Variants in SPICE1 observed in about 807,000 individuals in gnomAD.
The protein encoded by SPICE1 is spindle and centriole-associated protein 1.
In SPICE1, 75 loss-of-function variants were observed where a neutral mutation model predicts 102.7. The ratio of observed to expected loss-of-function variants is 0.73; its 90% CI spans 0.61 to 0.88. The LOEUF is 0.88. SPICE1 is among the 40% of genes least tolerant of loss of function. The pLI, the probability that SPICE1 is intolerant of heterozygous loss-of-function variation, is 0.00. For synonymous variants in SPICE1, 308 were observed against 350.3 expected (o/e 0.88, Z 1.35); for missense variants, 979 against 1,020.1 (o/e 0.96, Z 0.55).
At chr3:113,505,984 C>T (rs1302125522) in intron 2 of SPICE1, among the ~76,000 whole-genome samples, 1 of 152,188 alleles carries the variant, frequency 6.6e-6, no homozygotes, top group Admixed American at 6.5e-5. Flanking sequence ...GTTACAGGTA[C>T]TTCAGCCTTG....
At chr3:113,465,868 A>G in intron 10 of SPICE1, 84 bp from the exon 11 acceptor site, 1 of 1,354,290 alleles carries the variant, frequency 7.4e-7, no homozygotes, top group Non-Finnish European at 1.0e-6. Context: ...GGCAAAGAAG[A>G]TATTTACAAA....
In SPICE1 at chr3:113,486,210, C is replaced by CATATATATAT. The variant is rs60309507; in HGVS notation, c.611+2725_611+2734dup. Among the ~76,000 whole-genome samples the CATATATATAT allele has an allele frequency of 1.4e-3, 193 of 141,038 alleles. 2 individuals are homozygous for CATATATATAT. Among genetic ancestry groups the CATATATATAT allele is most frequent in the African/African-American group, 4.6e-3 (177 of 38,302 alleles). The allele number at this position is 141,038 out of a possible 152,430, so 92.5% of individuals were successfully genotyped here. ...ATACTGTAGTTTATTTGACCATTCT[C>CATATATATAT]ATATATATATATATATATATATGCC... On this transcript the variant is annotated intron_variant, in intron 7 of 17. Coordinates refer to ENST00000295872, the MANE Select transcript of SPICE1 (RefSeq NM_144718.4).
At chr3:113,464,514 CA>C (rs1433127377) in intron 11 of SPICE1, among the ~76,000 whole-genome samples, 3 of 152,094 alleles carry the variant, frequency 2.0e-5, no homozygotes, top group African/African-American at 7.2e-5. Flanking sequence ...CCTTGGCACC[CA>C]AAATGTGGGG....
intron 11 of SPICE1, among the ~76,000 whole-genome samples, chr3:113,461,464 T>C (rs1404469803): frequency 6.6e-6 from 1 of 152,110 alleles, no homozygotes; most frequent in Non-Finnish European, 1.5e-5. Context: ...CATTCTTACA[T>C]GTAAAAGTCA....
At position 113,457,137 on chromosome 3, in the gene SPICE1, G is replaced by A. The variant is rs146846950; in HGVS notation, c.1656C>T (p.Asp552=). 7.4e-3 allele frequency: 11,963 copies of A among 1,613,748 alleles called. 144 individuals carry two copies. Among genetic ancestry groups the A allele is most frequent in the South Asian group, 0.034 (3,131 of 91,036 alleles). ...ATGTAACTTTAGAAGAAGACTTACC[G>A]TCCTGAAGAGGAGAGAATTTTAAGT... ...KSNLKFSPLQ[D]VLRRTVQTRP... is the part of the protein sequence containing the mutation. The change falls in exon 13 of 18, where the codon GAC becomes GAT. Residue 552 remains aspartate (D), a splice_region_variant and synonymous_variant. Transcript: ENST00000295872.
intron 4 of SPICE1, among the ~76,000 whole-genome samples, chr3:113,495,504 G>C (rs1452655820): frequency 6.6e-6 from 1 of 152,188 alleles, no homozygotes; most frequent in East Asian, 1.9e-4. Flanking sequence ...GCTTTGGAAT[G>C]GTATCAGGTC....
At chr3:113,496,190 A>G (rs1023243098) in intron 4 of SPICE1, among the ~76,000 whole-genome samples, 4 of 150,712 alleles carry the variant, frequency 2.7e-5, no homozygotes, top group African/African-American at 9.8e-5. Flanking sequence ...ACCCCTGTTT[A>G]GTCCCTGCCC....
chr3:113,480,468 A>C lies in SPICE1; in HGVS notation c.611+8477T>G, dbSNP rs541920437. 1.6e-3 allele frequency among the ~76,000 whole-genome samples: 244 copies of C among 152,338 alleles called. 1 individual carries two copies. Among genetic ancestry groups the C allele is most frequent in the African/African-American group, 5.7e-3 (237 of 41,580 alleles). ...ACACAAGAATACTAAATAAAATATT[A>C]ACAAACAACCTCCAATACTCCATTA... On this transcript the variant is annotated intron_variant, in intron 7 of 17. Transcript: ENST00000295872.
intron 13 of SPICE1, among the ~76,000 whole-genome samples, chr3:113,456,529 G>A (rs1935782277): frequency 6.6e-6 from 1 of 152,136 alleles, no homozygotes; most frequent in Non-Finnish European, 1.5e-5. Flanking sequence ...AACTTCTGAA[G>A]ACCATTCATG....
intron 6 of SPICE1, among the ~76,000 whole-genome samples, chr3:113,492,460 AT>A (rs1295708333): frequency 6.6e-6 from 1 of 152,180 alleles, no homozygotes; most frequent in Non-Finnish European, 1.5e-5. Context: ...AATTCTAAAC[AT>A]TTTCATTAAT....
intron 7 of SPICE1, among the ~76,000 whole-genome samples, chr3:113,471,837 G>A (rs1205838219): frequency 1.3e-5 from 2 of 152,044 alleles, no homozygotes; most frequent in Non-Finnish European, 2.9e-5. Flanking sequence ...GAACAGCTCC[G>A]GTCTACAGCT....
intron 7 of SPICE1, among the ~76,000 whole-genome samples, chr3:113,481,867 C>T (rs1482705461): frequency 6.6e-6 from 1 of 152,070 alleles, no homozygotes; most frequent in Non-Finnish European, 1.5e-5. Context: ...AATAGTGATG[C>T]AATAAACATA....
intron 7 of SPICE1, among the ~76,000 whole-genome samples, chr3:113,483,299 T>C (rs1424184888): frequency 1.3e-5 from 2 of 152,166 alleles, no homozygotes; most frequent in East Asian, 3.8e-4. Context: ...CTTAAGGAGA[T>C]TTTGGGCTGA....
chr3:113,504,213 G>T (rs148515217), intron 2 of SPICE1, among the ~76,000 whole-genome samples: 169 of 152,230 alleles, frequency 1.1e-3, no homozygotes, highest in Non-Finnish European at 1.9e-3. Context: ...GCTCTAAGTA[G>T]CAACCCTGTA....
In SPICE1 at chr3:113,488,427, A is replaced by C. The variant is rs112027500; in HGVS notation, c.611+518T>G. On this transcript the variant is annotated intron_variant, in intron 7 of 17. Transcript: ENST00000295872. Reference sequence around the variant, plus strand: ...AATACTACTCAGCCACTCACACACAAAAAAAATAATAATGTATTTTGCAAC... The same window carrying C: ...AATACTACTCAGCCACTCACACACACAAAAAATAATAATGTATTTTGCAAC... 8.3e-3 allele frequency among the ~76,000 whole-genome samples: 1,267 copies of C among 152,252 alleles called. 21 individuals carry two copies. The highest frequency in any genetic ancestry group is 0.029 in the African/African-American group (1,188 of 41,532).
At chr3:113,459,870 A>G in intron 12 of SPICE1, 1 of 983,514 alleles carries the variant, frequency 1.0e-6, no homozygotes, top group Non-Finnish European at 1.2e-6. Flanking sequence ...TGACAGAGCG[A>G]AACTCCATCT....
At chr3:113,456,199 G>A (rs1935775057) in intron 13 of SPICE1, among the ~76,000 whole-genome samples, 1 of 151,912 alleles carries the variant, frequency 6.6e-6, no homozygotes, top group Admixed American at 6.6e-5. Flanking sequence ...TTTAACCCCT[G>A]GGCTTCTTCG....
intron 16 of SPICE1, among the ~76,000 whole-genome samples, chr3:113,447,287 T>C (rs1316078533): frequency 1.3e-5 from 2 of 152,204 alleles, no homozygotes; most frequent in African/African-American, 4.8e-5. Context: ...AGAGTTCCCA[T>C]ATGCCCCTTA....
At chr3:113,468,725 T>C (rs771383952) in intron 9 of SPICE1, 37 bp downstream of exon 9, 8 of 1,590,818 alleles carry the variant, frequency 5.0e-6, no homozygotes, top group Non-Finnish European at 6.8e-6. Context: ...TCAAGTTACA[T>C]GTTTAATATT....
Sources: allele counts gnomAD v4.1 joint callset (sites outside exome capture counted in the v4.1 genomes callset), GRCh38; gene constraint gnomAD v4.1.1; transcripts MANE v1.5; gene names NCBI Gene and HGNC (gene_info 2026-07-23, HGNC 2026-07-21).